SYT1: variants seen among roughly 807,000 people sequenced by gnomAD.
The protein encoded by SYT1 is synaptotagmin-1.
SYT1 carries 8 observed loss-of-function variants against 44.8 expected under a neutral mutation model. The observed-to-expected ratio is 0.18, with a 90% confidence interval of 0.10 to 0.32. The LOEUF is 0.32. Ranked by LOEUF, SYT1 falls within the 10% of genes least tolerant of loss-of-function variation. The pLI is 1.00. For missense variants in SYT1, 286 were observed against 509.3 expected, an observed-to-expected ratio of 0.56 and a Z score of 4.22; for synonymous variants, 154 against 188.8, an observed-to-expected ratio of 0.82 and a Z score of 1.51.
chr12:79,034,911 T>C (rs1340685974), intron 2 of SYT1, among the ~76,000 whole-genome samples: 1 of 151,694 alleles, frequency 6.6e-6, no homozygotes, highest in Non-Finnish European at 1.5e-5. Flanking sequence ...TTTAGAGTAA[T>C]TTAGCATGAG....
At chr12:79,125,787 T>C (rs1868400541) in intron 3 of SYT1, among the ~76,000 whole-genome samples, 1 of 152,214 alleles carries the variant, frequency 6.6e-6, no homozygotes, top group African/African-American at 2.4e-5. Flanking sequence ...TCACTCTTCC[T>C]GGAACAGGTA....
chr12:79,449,158 T>C lies in SYT1; in HGVS notation c.*34T>C. On this transcript the variant is annotated 3_prime_UTR_variant, in exon 11 of 11. Coordinates refer to ENST00000261205, the MANE Select transcript of SYT1 (RefSeq NM_005639.3). ...AGAAGCCTTTCTGCATTTGCCCATA[T>C]AGTGCTCTTTAGCCAGTATCTGTAA... 1 of 1,561,424 alleles carries C rather than the reference T, an allele frequency of 6.4e-7. No individual in the cohort carries two copies. Among genetic ancestry groups the C allele is most frequent in the Non-Finnish European group, 8.7e-7 (1 of 1,151,544 alleles).
At chr12:78,992,827 A>G (rs950666903) in intron 2 of SYT1, among the ~76,000 whole-genome samples, 2 of 152,160 alleles carry the variant, frequency 1.3e-5, no homozygotes, top group African/African-American at 4.8e-5. Flanking sequence ...ATGTGGGTGT[A>G]ATAAGTAAAA....
intron 3 of SYT1, among the ~76,000 whole-genome samples, chr12:79,140,233 T>C (rs1275160771): frequency 6.6e-6 from 1 of 152,190 alleles, no homozygotes; most frequent in Non-Finnish European, 1.5e-5. Flanking sequence ...ATCTGCATGC[T>C]TCCATTATAG....
intron 3 of SYT1, among the ~76,000 whole-genome samples, chr12:79,048,228 T>G (rs537335535): frequency 1.3e-5 from 2 of 151,950 alleles, no homozygotes; most frequent in East Asian, 3.9e-4. Flanking sequence ...TATATCTTAG[T>G]ACATATCAAA....
intron 1 of SYT1, among the ~76,000 whole-genome samples, chr12:78,902,116 C>T (rs1253642951): frequency 6.6e-6 from 1 of 151,808 alleles, no homozygotes; most frequent in East Asian, 1.9e-4. Context: ...CAGCAAACCA[C>T]CATGGCACAT....
At chr12:78,866,506 T>G (rs1873551855) in intron 1 of SYT1, among the ~76,000 whole-genome samples, 1 of 152,208 alleles carries the variant, frequency 6.6e-6, no homozygotes, top group African/African-American at 2.4e-5. Flanking sequence ...GCATAATAGG[T>G]CAAGTAAATG....
rs541118759 is a variant in SYT1 at position 79,375,821 on chromosome 12, C to T, written c.928+22202C>T. Reference sequence around the variant, plus strand: ...CATATAAACCAGGTACCTAGCAGGGCGCCTGACTCAAAAGTACCTGATGAA... The same window carrying T: ...CATATAAACCAGGTACCTAGCAGGGTGCCTGACTCAAAAGTACCTGATGAA... On this transcript the variant is annotated intron_variant, in intron 9 of 10. Coordinates refer to ENST00000261205, the MANE Select transcript of SYT1 (RefSeq NM_005639.3). Among the ~76,000 whole-genome samples the T allele has an allele frequency of 6.6e-5, 10 of 152,082 alleles. No homozygotes were observed. In the East Asian group the frequency reaches 7.7e-4, roughly 12 times the overall value.
At chr12:79,293,856 A>G (rs1433461421) in intron 6 of SYT1, among the ~76,000 whole-genome samples, 1 of 152,204 alleles carries the variant, frequency 6.6e-6, no homozygotes, top group South Asian at 2.1e-4. Context: ...TTACAGGTTC[A>G]GGTTTGTAGT....
chr12:79,097,038 C>T (rs969768943), intron 3 of SYT1, among the ~76,000 whole-genome samples: 5 of 151,928 alleles, frequency 3.3e-5, no homozygotes, highest in African/African-American at 1.2e-4. Flanking sequence ...ACATTATTGA[C>T]TGAGGTTGAA....
At chr12:79,438,990 A>T (rs1460112526) in intron 9 of SYT1, among the ~76,000 whole-genome samples, 1 of 152,174 alleles carries the variant, frequency 6.6e-6, no homozygotes, top group African/African-American at 2.4e-5. Flanking sequence ...AAAGTAAGGG[A>T]AGAGGTATGG....
At chr12:79,317,496 T>C (rs1468865276) in intron 8 of SYT1, among the ~76,000 whole-genome samples, 7 of 152,206 alleles carry the variant, frequency 4.6e-5, no homozygotes, top group African/African-American at 1.4e-4. Flanking sequence ...GGCGCCTTGC[T>C]CCTGGGCTTC....
At chr12:78,914,071 A>C (rs945183940) in intron 1 of SYT1, among the ~76,000 whole-genome samples, 1 of 147,686 alleles carries the variant, frequency 6.8e-6, no homozygotes, top group Admixed American at 6.9e-5. Flanking sequence ...AATATAGGTA[A>C]ATTTATCAAA....
chr12:79,145,037 T>C (rs1869790460), intron 3 of SYT1, among the ~76,000 whole-genome samples: 1 of 152,216 alleles, frequency 6.6e-6, no homozygotes. Flanking sequence ...TCAGTTTACC[T>C]GTATAGAAAA....
At chr12:79,323,821 T>TTA (rs1188168509) in intron 8 of SYT1, among the ~76,000 whole-genome samples, 3 of 151,080 alleles carry the variant, frequency 2.0e-5, no homozygotes, top group Admixed American at 6.6e-5. Flanking sequence ...TATATATAAA[T>TTA]TATATATATA....
intron 3 of SYT1, among the ~76,000 whole-genome samples, chr12:79,049,541 G>T (rs1458644099): frequency 1.3e-5 from 2 of 151,830 alleles, no homozygotes; most frequent in Non-Finnish European, 2.9e-5. Context: ...TTGTGAAGAG[G>T]AATACTCTGA....
chr12:79,250,303 A>G (rs1246689733), intron 4 of SYT1, among the ~76,000 whole-genome samples: 1 of 152,110 alleles, frequency 6.6e-6, no homozygotes, highest in African/African-American at 2.4e-5. Context: ...CAGTAAGAAA[A>G]AGCTCTTATT....
At chr12:78,871,680 G>C (rs756728669) in intron 1 of SYT1, among the ~76,000 whole-genome samples, 1 of 151,946 alleles carries the variant, frequency 6.6e-6, no homozygotes, top group Non-Finnish European at 1.5e-5. Flanking sequence ...AGGAAGAAAA[G>C]TTGACACAGT....
chr12:78,982,765 A>C (rs1869358953), intron 2 of SYT1, among the ~76,000 whole-genome samples: 1 of 152,176 alleles, frequency 6.6e-6, no homozygotes, highest in Non-Finnish European at 1.5e-5. Context: ...AGTTATACTC[A>C]CATATAAACT....
Sources: gnomAD v4.1 joint callset for allele counts (sites outside exome capture counted in the v4.1 genomes callset) on GRCh38, gnomAD v4.1.1 for gene constraint, MANE v1.5 for transcripts, NCBI Gene and HGNC (gene_info 2026-07-23, HGNC 2026-07-21) for gene names.